PTPRD: variants seen among roughly 807,000 people sequenced by gnomAD.
The protein encoded by PTPRD is receptor-type tyrosine-protein phosphatase delta.
In PTPRD, 34 loss-of-function variants were observed where a neutral mutation model predicts 214.5. The ratio of observed to expected loss-of-function variants is 0.16; its 90% CI spans 0.12 to 0.21. The LOEUF (loss-of-function observed/expected upper bound fraction) is 0.21, where lower values mean the gene tolerates loss of function less well. Among genes scored for constraint, PTPRD ranks in the 10% least tolerant of loss-of-function variants. PTPRD has a pLI of 1.00. For synonymous variants in PTPRD, 1,128 were observed against 845.7 expected (o/e 1.33, Z -5.79); for missense variants, 2,545 against 2,398.7 (o/e 1.06, Z -1.27).
intron 2 of PTPRD, among the ~76,000 whole-genome samples, chr9:10,434,752 TG>T (rs2098706117): frequency 6.6e-6 from 1 of 151,954 alleles, no homozygotes; most frequent in South Asian, 2.1e-4. Context: ...GCATGTAATT[TG>T]TTTTGTCAAA....
intron 12 of PTPRD, among the ~76,000 whole-genome samples, chr9:8,705,661 G>C (rs1047599368): frequency 6.6e-6 from 1 of 151,932 alleles, no homozygotes; most frequent in Non-Finnish European, 1.5e-5. Flanking sequence ...AACAAATTGA[G>C]AATAAAAAAT....
chr9:8,566,428 C>A (rs775745935), intron 14 of PTPRD, among the ~76,000 whole-genome samples: 1 of 152,098 alleles, frequency 6.6e-6, no homozygotes, highest in Non-Finnish European at 1.5e-5. Flanking sequence ...ATAAGACTAA[C>A]AGCATATCAA....
intron 5 of PTPRD, among the ~76,000 whole-genome samples, chr9:9,847,980 A>G (rs1017807763): frequency 2.0e-5 from 3 of 152,130 alleles, no homozygotes; most frequent in African/African-American, 7.2e-5. Context: ...AAAATCACAC[A>G]AAGGCAGTGG....
chr9:8,941,586 T>C (rs2099034152), intron 11 of PTPRD, among the ~76,000 whole-genome samples: 2 of 152,196 alleles, frequency 1.3e-5, no homozygotes, highest in South Asian at 4.1e-4. Flanking sequence ...TATTGTTGGG[T>C]GGAGTTTAAA....
chr9:10,334,111 A>G (rs1286788228), intron 3 of PTPRD, among the ~76,000 whole-genome samples: 2 of 151,740 alleles, frequency 1.3e-5, no homozygotes, highest in African/African-American at 4.8e-5. Context: ...GAAGCTAAGT[A>G]TTGTGTATAA....
At chr9:8,731,957 G>C (rs1019298043) in intron 12 of PTPRD, among the ~76,000 whole-genome samples, 45 of 152,104 alleles carry the variant, frequency 3.0e-4, no homozygotes, top group South Asian at 2.1e-4. Flanking sequence ...TTTTTCAAGG[G>C]ACATCTTAAG....
chr9:9,435,482 C>A (rs148350797), intron 8 of PTPRD, among the ~76,000 whole-genome samples: 6 of 152,130 alleles, frequency 3.9e-5, no homozygotes, highest in African/African-American at 1.2e-4. Flanking sequence ...TGCCACCACA[C>A]TCCAGCCTGG....
At position 8,800,995 on chromosome 9, in the gene PTPRD, C is replaced by T. The variant is rs373069991; in HGVS notation, c.-103-67049G>A. ...ATGCTATGGGGCTATGATACAAATA[C>T]TTAATCTCTCTAAGCCTTAGTTTCT... On this transcript the variant is annotated intron_variant, in intron 11 of 45. Transcript: ENST00000381196. Among the ~76,000 whole-genome samples the T allele has an allele frequency of 3.3e-5, 5 of 152,318 alleles. No individual in the cohort carries two copies. In the South Asian group the frequency reaches 6.2e-4, roughly 19 times the overall value.
rs1284543805 is a variant in PTPRD at position 9,793,723 on chromosome 9, G to A, written c.-367-26872C>T. On this transcript the variant is annotated intron_variant, in intron 5 of 45. Transcript: ENST00000381196. ...TTATTTTAGAAAAAAAAATGTAATG[G>A]TAAAAAGTATCTTATTTGTTCTTCC... is the stretch of plus-strand genomic sequence containing the variant. Among the ~76,000 whole-genome samples the A allele has an allele frequency of 2.0e-5, 3 of 151,928 alleles. No individual in the cohort carries two copies. The East Asian group carries it at 5.8e-4, about 29-fold the overall frequency.
chr9:9,711,091 G>A (rs2097719908), intron 7 of PTPRD, among the ~76,000 whole-genome samples: 1 of 152,070 alleles, frequency 6.6e-6, no homozygotes, highest in African/African-American at 2.4e-5. Flanking sequence ...ATAGGATCAG[G>A]CCATGCGAGA....
chr9:8,958,662 A>G (rs2154315535), intron 11 of PTPRD: 1 of 152,142 alleles, frequency 6.6e-6, no homozygotes, highest in East Asian at 1.9e-4. Flanking sequence ...AAGGTACAGA[A>G]GGAATTGAGC....
At chr9:10,183,009 G>C (rs1042818902) in intron 3 of PTPRD, among the ~76,000 whole-genome samples, 7 of 151,976 alleles carry the variant, frequency 4.6e-5, no homozygotes, top group Non-Finnish European at 1.0e-4. Context: ...TTAATCTCTT[G>C]CTGTCTACAT....
chr9:8,405,486 A>G (rs1453966148), intron 35 of PTPRD, among the ~76,000 whole-genome samples: 1 of 152,136 alleles, frequency 6.6e-6, no homozygotes, highest in Non-Finnish European at 1.5e-5. Context: ...TATATAAAGT[A>G]TGTAATTTAA....
intron 10 of PTPRD, among the ~76,000 whole-genome samples, chr9:9,064,660 G>A (rs557517011): frequency 5.9e-5 from 9 of 152,270 alleles, no homozygotes; most frequent in Admixed American, 1.3e-4. Context: ...CTGAGACTCC[G>A]AACTGAATAC....
At chr9:8,842,682 G>C (rs1175364044) in intron 11 of PTPRD, among the ~76,000 whole-genome samples, 1 of 152,160 alleles carries the variant, frequency 6.6e-6, no homozygotes, top group Non-Finnish European at 1.5e-5. Flanking sequence ...TCTGGCCCTA[G>C]ATTTCTTTCA....
At chr9:9,658,475 A>G (rs995263551) in intron 7 of PTPRD, among the ~76,000 whole-genome samples, 1 of 152,168 alleles carries the variant, frequency 6.6e-6, no homozygotes, top group Non-Finnish European at 1.5e-5. Context: ...TTTTCCGAAC[A>G]TCTAGTACAA....
chr9:9,976,689 CAAAA>C (rs869096131), intron 4 of PTPRD, among the ~76,000 whole-genome samples: 33 of 63,248 alleles, frequency 5.2e-4, no homozygotes, highest in Admixed American at 2.1e-3. Flanking sequence ...ACCCTGCCAC[CAAAA>C]AAAAAAAAAA....
chr9:9,904,325 G>T (rs141201385), intron 5 of PTPRD, among the ~76,000 whole-genome samples: 78 of 152,122 alleles, frequency 5.1e-4, no homozygotes, highest in African/African-American at 1.6e-3. Context: ...ACCAAAATAT[G>T]ACAATTATTT....
chr9:9,626,881 G>A (rs1375544752), intron 7 of PTPRD, among the ~76,000 whole-genome samples: 1 of 152,178 alleles, frequency 6.6e-6, no homozygotes, highest in Non-Finnish European at 1.5e-5. Flanking sequence ...TAAGTGAAAG[G>A]AGATGAAGGA....
Sources: gnomAD v4.1 joint callset for allele counts (sites outside exome capture counted in the v4.1 genomes callset) on GRCh38, gnomAD v4.1.1 for gene constraint, MANE v1.5 for transcripts, NCBI Gene and HGNC (gene_info 2026-07-23, HGNC 2026-07-21) for gene names.